FKBP5: variants seen among roughly 807,000 people sequenced by gnomAD.
FKBP5 encodes peptidyl-prolyl cis-trans isomerase FKBP5.
FKBP5 carries 23 observed loss-of-function variants against 50.5 expected under a neutral mutation model. The observed-to-expected ratio is 0.46, with a 90% CI of 0.33 to 0.65. FKBP5 has a LOEUF of 0.65. FKBP5 is among the 30% of genes least tolerant of loss of function. The pLI is 0.02. For synonymous variants in FKBP5, 176 were observed against 190.6 expected (o/e 0.92, Z 0.63); for missense variants, 411 against 553.1 (o/e 0.74, Z 2.58).
rs1261781238 is a variant in FKBP5 at position 35,620,218 on chromosome 6, A to G, written c.307T>C (p.Cys103Arg). Residue 103 changes from cysteine to arginine, a missense_variant, in exon 4 of 11, where the codon TGC becomes CGC. By Grantham distance (180) the Cys-to-Arg change is radical (BLOSUM62 -3). Transcript: ENST00000357266. ...GVATMKKGEI[C>R]HLLCKPEYAY... ...TATTCTGGTTTGCACAGTAAATGGC[A>G]TATCTCTCCTTTCTTCATGGTAGCC... The G allele has an allele frequency of 8.1e-6, 13 of 1,614,202 alleles. No homozygotes were observed. The highest frequency in any genetic ancestry group is 1.1e-5 in the Non-Finnish European group (13 of 1,180,016).
chr6:35,579,155 C>A (rs534848698), intron 9 of FKBP5, among the ~76,000 whole-genome samples: 6 of 148,386 alleles, frequency 4.0e-5, no homozygotes, highest in Admixed American at 4.0e-4. Context: ...CACACGCGCG[C>A]GCGCACACAC....
At chr6:35,671,327 T>G (rs963257189) in intron 1 of FKBP5, among the ~76,000 whole-genome samples, 1 of 151,270 alleles carries the variant, frequency 6.6e-6, no homozygotes, top group African/African-American at 2.4e-5. Flanking sequence ...CAATCCAAAC[T>G]GACAAATCTA....
At chr6:35,700,921 T>C (rs113451273) in intron 2 of FKBP5, among the ~76,000 whole-genome samples, 4,212 of 152,034 alleles carry the variant, frequency 0.028, 123 homozygotes, top group African/African-American at 0.068. Flanking sequence ...ATCAAGCCAC[T>C]GCACTCCAGC....
intron 6 of FKBP5, 50 bp downstream of exon 6, chr6:35,597,198 C>T (rs778379703): frequency 1.3e-6 from 2 of 1,596,420 alleles, no homozygotes; most frequent in East Asian, 4.5e-5. Flanking sequence ...GCAAGCATAT[C>T]CCTGTCCTTT....
intron 1 of FKBP5, among the ~76,000 whole-genome samples, chr6:35,672,481 TTTTA>T (rs779786743): frequency 5.9e-5 from 9 of 152,006 alleles, no homozygotes; most frequent in African/African-American, 1.2e-4. Flanking sequence ...TTTTTTTTTT[TTTTA>T]AAGAAATAAT....
upstream of FKBP5, among the ~76,000 whole-genome samples, chr6:35,693,226 G>T (rs1335746665): frequency 7.7e-6 from 1 of 130,466 alleles, no homozygotes; most frequent in African/African-American, 2.9e-5. Flanking sequence ...GCAGTGGCGC[G>T]ATCTCAGCTC....
At chr6:35,667,651 C>T (rs1218545812) in intron 1 of FKBP5, among the ~76,000 whole-genome samples, 1 of 152,168 alleles carries the variant, frequency 6.6e-6, no homozygotes. Context: ...GAGGCCGAGG[C>T]AGGTGGATCA....
chr6:35,646,630 A>AT (rs1764638338), intron 1 of FKBP5, among the ~76,000 whole-genome samples: 1 of 152,204 alleles, frequency 6.6e-6, no homozygotes, highest in Non-Finnish European at 1.5e-5. Context: ...CAGTTTCACC[A>AT]TTTTTATAAG....
Position 35,580,226 on chromosome 6 carries a change from G to A in FKBP5, c.841-5C>T, listed in dbSNP as rs374701185. 5.6e-5 allele frequency: 90 copies of A among 1,605,116 alleles called. No homozygotes were observed. The highest frequency in any genetic ancestry group is 7.2e-5 in the Non-Finnish European group (85 of 1,174,860). On this transcript the variant is annotated splice_polypyrimidine_tract_variant and splice_region_variant and intron_variant, in intron 8 of 10. Transcript: ENST00000357266. ...CGCCTGCATGTATTTGCCTCCCTAG[G>A]ATAAAAAAGCGTCATTACTTGTACT...
At chr6:35,687,601 T>C (rs1765865734) in intron 1 of FKBP5, among the ~76,000 whole-genome samples, 1 of 151,970 alleles carries the variant, frequency 6.6e-6, no homozygotes, top group Non-Finnish European at 1.5e-5. Flanking sequence ...GGGAAGACAA[T>C]GAAAATAAAC....
chr6:35,587,120 G>C lies in FKBP5; in HGVS notation c.757-3C>G. 3 of 1,613,730 alleles carry C rather than the reference G, an allele frequency of 1.9e-6. No individual in the cohort carries two copies. Among genetic ancestry groups the C allele is most frequent in the Non-Finnish European group, 2.5e-6 (3 of 1,179,682 alleles). On this transcript the variant is annotated splice_region_variant and splice_polypyrimidine_tract_variant and intron_variant, in intron 7 of 10. Coordinates refer to ENST00000357266, the MANE Select transcript of FKBP5 (RefSeq NM_004117.4). ...TCCATCTCCCAGGATTCTTTGGCCT[G>C]TGTGTAAATTTGTGACAATGGTTAG... is the stretch of plus-strand genomic sequence containing the variant.
At chr6:35,602,514 TTC>T (rs1281186634) in intron 5 of FKBP5, among the ~76,000 whole-genome samples, 4 of 152,110 alleles carry the variant, frequency 2.6e-5, no homozygotes, top group East Asian at 3.9e-4. Context: ...AGCAAGAGTT[TTC>T]TCTGTTGCCT....
At chr6:35,723,906 A>G (rs1288596770) in intron 1 of FKBP5, among the ~76,000 whole-genome samples, 4 of 152,264 alleles carry the variant, frequency 2.6e-5, no homozygotes, top group Admixed American at 2.6e-4. Context: ...GCCCTGTGAT[A>G]GGAAACAAAG....
intron 5 of FKBP5, among the ~76,000 whole-genome samples, chr6:35,616,949 G>C (rs1476807705): frequency 6.6e-6 from 1 of 151,656 alleles, no homozygotes; most frequent in African/African-American, 2.4e-5. Flanking sequence ...TTCTATGATG[G>C]AGTTTTAGGG....
At chr6:35,690,397 A>G (rs993833168), upstream of FKBP5, among the ~76,000 whole-genome samples, 3 of 151,814 alleles carry the variant, frequency 2.0e-5, no homozygotes, top group East Asian at 2.0e-4. Flanking sequence ...TTGCTTGAAC[A>G]GAGGTTGCAG....
intron 1 of FKBP5, among the ~76,000 whole-genome samples, chr6:35,721,333 C>T (rs1476470282): frequency 6.7e-6 from 1 of 150,300 alleles, no homozygotes; most frequent in Non-Finnish European, 1.5e-5. Flanking sequence ...AGCCACAGAG[C>T]GAGACTCTGT....
At position 35,642,713 on chromosome 6, in the gene FKBP5, G is replaced by A. The variant is rs1472839470; in HGVS notation, c.105+7C>T. 1 of 1,607,752 alleles carries A rather than the reference G, an allele frequency of 6.2e-7. No individual in the cohort carries two copies. The highest frequency in any genetic ancestry group is 1.1e-5 in the South Asian group (1 of 90,698). On this transcript the variant is annotated splice_region_variant and intron_variant, in intron 2 of 10. Coordinates refer to ENST00000357266, the MANE Select transcript of FKBP5 (RefSeq NM_004117.4). ...TCCTTGTATGTCACTCAGCTTTGTG[G>A]CCTCACCTTTAATACTCCCCTGTCT...
intron 1 of FKBP5, among the ~76,000 whole-genome samples, chr6:35,663,347 C>T (rs1432374509): frequency 1.3e-5 from 2 of 151,934 alleles, no homozygotes; most frequent in African/African-American, 4.8e-5. Flanking sequence ...AGGCAGAGGC[C>T]TGACTGTGAA....
chr6:35,593,934 C>T (rs1762897480), intron 6 of FKBP5, among the ~76,000 whole-genome samples: 1 of 152,096 alleles, frequency 6.6e-6, no homozygotes, highest in African/African-American at 2.4e-5. Flanking sequence ...AAACTATATA[C>T]ACTTGACCTA....
Sources: allele counts gnomAD v4.1 joint callset (sites outside exome capture counted in the v4.1 genomes callset), GRCh38; gene constraint gnomAD v4.1.1; transcripts MANE v1.5; gene names NCBI Gene and HGNC (gene_info 2026-07-23, HGNC 2026-07-21).